The following CSMD3 variants were observed in gnomAD, a reference collection of about 807,000 sequenced individuals.
CSMD3 encodes CUB and Sushi multiple domains 3, also known as CUB and sushi domain-containing protein 3.
CSMD3 carries 177 observed loss-of-function variants against 435.2 expected under a neutral mutation model. The ratio of observed to expected loss-of-function variants is 0.41; its 90% CI spans 0.36 to 0.46. The LOEUF (loss-of-function observed/expected upper bound fraction) is 0.46. Among genes scored for constraint, CSMD3 ranks in the 20% least tolerant of loss-of-function variants. The pLI, the probability that CSMD3 is intolerant of heterozygous loss-of-function variation, is 0.34. For missense variants in CSMD3, 4,265 were observed against 4,504.6 expected, an observed-to-expected ratio of 0.95 and a Z score of 1.52; for synonymous variants, 1,656 against 1,520.5, an observed-to-expected ratio of 1.09 and a Z score of -2.07.
chr8:112,883,954 A>T (rs755023914), intron 10 of CSMD3, among the ~76,000 whole-genome samples: 4 of 151,928 alleles, frequency 2.6e-5, no homozygotes, highest in Non-Finnish European at 5.9e-5. Flanking sequence ...GACACTAAAC[A>T]GGCTGAAGTC....
chr8:112,874,592 G>A (rs1221371080), intron 10 of CSMD3, among the ~76,000 whole-genome samples: 4 of 152,028 alleles, frequency 2.6e-5, no homozygotes, highest in African/African-American at 9.7e-5. Context: ...CTCCTGTATT[G>A]GGTGCATATA....
chr8:112,611,180 G>T (rs1249085787), intron 22 of CSMD3, among the ~76,000 whole-genome samples: 1 of 152,198 alleles, frequency 6.6e-6, no homozygotes, highest in Non-Finnish European at 1.5e-5. Flanking sequence ...ACTGAGAAAT[G>T]CCACGCATAA....
intron 31 of CSMD3, among the ~76,000 whole-genome samples, chr8:112,488,575 A>T (rs759260978): frequency 6.6e-6 from 1 of 152,322 alleles, no homozygotes; most frequent in Middle Eastern, 3.4e-3. Context: ...AGTCAGTCAC[A>T]GTTTCATCAG....
intron 32 of CSMD3, among the ~76,000 whole-genome samples, chr8:112,443,247 A>T (rs561470122): frequency 6.6e-6 from 1 of 152,240 alleles, no homozygotes; most frequent in Non-Finnish European, 1.5e-5. Flanking sequence ...ATAAGGCCTA[A>T]CTCTGATTCG....
chr8:112,686,587 A>G (rs2076017138), intron 14 of CSMD3, among the ~76,000 whole-genome samples: 1 of 151,632 alleles, frequency 6.6e-6, no homozygotes, highest in Non-Finnish European at 1.5e-5. Flanking sequence ...TCCGGGTTCA[A>G]GAGATTCTCC....
intron 4 of CSMD3, among the ~76,000 whole-genome samples, chr8:113,133,176 T>C (rs754634510): frequency 1.3e-5 from 2 of 152,052 alleles, no homozygotes; most frequent in African/African-American, 4.8e-5. Flanking sequence ...TTACAAGAAA[T>C]TGATAACAAG....
chr8:112,525,927 AAT>A (rs575164866), intron 27 of CSMD3, among the ~76,000 whole-genome samples: 11 of 143,826 alleles, frequency 7.6e-5, no homozygotes, highest in East Asian at 4.0e-4. Flanking sequence ...TATATATATA[AAT>A]ATATATATAA....
intron 10 of CSMD3, among the ~76,000 whole-genome samples, chr8:112,919,155 T>A (rs1489515642): frequency 6.6e-6 from 1 of 151,926 alleles, no homozygotes; most frequent in Non-Finnish European, 1.5e-5. Context: ...TTAAATGAAA[T>A]AATATCAACA....
chr8:112,349,585 A>AAC (rs931428145), intron 40 of CSMD3, among the ~76,000 whole-genome samples: 1 of 151,922 alleles, frequency 6.6e-6, no homozygotes, highest in Non-Finnish European at 1.5e-5. Flanking sequence ...TATACACATA[A>AAC]ACACACACAC....
intron 5 of CSMD3, among the ~76,000 whole-genome samples, chr8:113,086,158 A>G (rs1588043818): frequency 6.6e-6 from 1 of 151,824 alleles, no homozygotes; most frequent in East Asian, 1.9e-4. Context: ...CTGAGGCAGG[A>G]GAATGGAGTG....
At chr8:113,308,412 G>A (rs2093840148) in intron 2 of CSMD3, among the ~76,000 whole-genome samples, 1 of 151,604 alleles carries the variant, frequency 6.6e-6, no homozygotes, top group South Asian at 2.1e-4. Flanking sequence ...GGGACTACAG[G>A]CGCCCAACAC....
At chr8:112,589,341 G>A (rs1052992147) in intron 22 of CSMD3, among the ~76,000 whole-genome samples, 15 of 152,142 alleles carry the variant, frequency 9.9e-5, no homozygotes, top group Admixed American at 5.9e-4. Context: ...TATTTTCTCC[G>A]CATATGAACA....
chr8:112,586,369 A>T (rs1468409472), intron 23 of CSMD3, among the ~76,000 whole-genome samples: 1 of 151,500 alleles, frequency 6.6e-6, no homozygotes, highest in Non-Finnish European at 1.5e-5. Context: ...TTTTACTCTA[A>T]TGATAAATAT....
chr8:112,963,229 C>T (rs1012176445), intron 7 of CSMD3, among the ~76,000 whole-genome samples: 34 of 151,956 alleles, frequency 2.2e-4, no homozygotes, highest in African/African-American at 8.2e-4. Flanking sequence ...TTCCTTATCC[C>T]AACAACGTGG....
At chr8:112,871,560 G>A (rs919012256) in intron 10 of CSMD3, among the ~76,000 whole-genome samples, 3 of 152,036 alleles carry the variant, frequency 2.0e-5, no homozygotes, top group East Asian at 3.9e-4. Context: ...TTTCATGGAC[G>A]TGCATAGCAA....
At chr8:113,312,261 G>A (rs1376455903) in intron 2 of CSMD3, 2 of 151,994 alleles carry the variant, frequency 1.3e-5, no homozygotes, top group African/African-American at 4.8e-5. Flanking sequence ...AAATGATGAT[G>A]ATAATAGTAA....
chr8:112,596,886 T>C (rs1831779260), intron 22 of CSMD3, among the ~76,000 whole-genome samples: 2 of 151,810 alleles, frequency 1.3e-5, no homozygotes, highest in African/African-American at 2.4e-5. Context: ...GGGAAATTTA[T>C]AGCACTAAAT....
intron 5 of CSMD3, among the ~76,000 whole-genome samples, chr8:113,054,567 G>T (rs2088236359): frequency 6.6e-6 from 1 of 152,028 alleles, no homozygotes; most frequent in Admixed American, 6.5e-5. Context: ...TTTCCTATTT[G>T]TTTGTCTATC....
At chr8:112,929,450 G>T (rs2083032018) in intron 9 of CSMD3, among the ~76,000 whole-genome samples, 2 of 151,932 alleles carry the variant, frequency 1.3e-5, no homozygotes, top group Non-Finnish European at 2.9e-5. Flanking sequence ...GAGAGCTGAA[G>T]ATTTTATTTT....
Sources: allele counts gnomAD v4.1 joint callset (sites outside exome capture counted in the v4.1 genomes callset), GRCh38; gene constraint gnomAD v4.1.1; transcripts MANE v1.5; gene names NCBI Gene and HGNC (gene_info 2026-07-23, HGNC 2026-07-21).